RXFP2: variants seen among roughly 807,000 people sequenced by gnomAD.
RXFP2 encodes the protein relaxin receptor 2.
Under a neutral mutation model 88.6 loss-of-function variants are expected in RXFP2, and 68 were observed. The observed-to-expected ratio is 0.77, with a 90% CI of 0.63 to 0.94. The LOEUF is 0.94. RXFP2 is among the 40% of genes least tolerant of loss of function. The pLI, the probability that RXFP2 is intolerant of heterozygous loss-of-function variation, is 0.00. For missense variants in RXFP2, 791 were observed against 893.9 expected (o/e 0.88, Z 1.47); for synonymous variants, 329 against 306.8 (o/e 1.07, Z -0.76).
At chr13:31,761,841 A>AAAACATGATTTGTGAT in intron 3 of RXFP2, 40 bp downstream of exon 3, 1 of 1,358,804 alleles carries the variant, frequency 7.4e-7, no homozygotes, top group East Asian at 2.3e-5. Context: ...AGCTTTGTGA[A>AAAACATGATTTGTGAT]AAACATGATT....
chr13:31,759,947 G>C (rs1449450842), intron 2 of RXFP2, among the ~76,000 whole-genome samples: 2 of 152,246 alleles, frequency 1.3e-5, no homozygotes, highest in Admixed American at 6.5e-5. Context: ...CCTCCAGGAG[G>C]GCTTCCCTGG....
At chr13:31,752,843 G>A (rs542341409) in intron 1 of RXFP2, among the ~76,000 whole-genome samples, 1 of 152,308 alleles carries the variant, frequency 6.6e-6, no homozygotes, top group African/African-American at 2.4e-5. Context: ...GATGGACGCT[G>A]TCTGCTTTGC....
At chr13:31,750,879 T>C (rs1483586829) in intron 1 of RXFP2, among the ~76,000 whole-genome samples, 2 of 152,186 alleles carry the variant, frequency 1.3e-5, no homozygotes, top group Non-Finnish European at 2.9e-5. Context: ...TTCTGAGAAA[T>C]TTAATTGTGA....
At chr13:31,764,443 A>T (rs1872457936) in intron 3 of RXFP2, among the ~76,000 whole-genome samples, 1 of 152,172 alleles carries the variant, frequency 6.6e-6, no homozygotes, top group African/African-American at 2.4e-5. Context: ...ATCTTTGGTT[A>T]TTTCAGCTTT....
chr13:31,747,956 C>T (rs1871495912), intron 1 of RXFP2, among the ~76,000 whole-genome samples: 1 of 152,074 alleles, frequency 6.6e-6, no homozygotes. Context: ...TCTTAAAAGT[C>T]AGAGCTGCAA....
chr13:31,777,498 T>A, intron 8 of RXFP2, 51 bp downstream of exon 8: 5 of 1,291,644 alleles, frequency 3.9e-6, no homozygotes, highest in Non-Finnish European at 5.6e-6. Context: ...TGCAATGACA[T>A]CTAGCACTAG....
chr13:31,792,571 G>C, intron 15 of RXFP2, 107 bp from the exon 16 acceptor site: 1 of 1,071,638 alleles, frequency 9.3e-7, no homozygotes, highest in Non-Finnish European at 1.4e-6. Flanking sequence ...AAGATGAAAG[G>C]AACTAGATCT....
intron 1 of RXFP2, among the ~76,000 whole-genome samples, chr13:31,754,902 C>T (rs7991127): frequency 0.28 from 42,824 of 151,158 alleles, 6,134 homozygotes; most frequent in East Asian, 0.42. Context: ...AATGCTGAGG[C>T]ACAGCAAGCT....
intron 1 of RXFP2, among the ~76,000 whole-genome samples, chr13:31,756,001 G>T (rs969966093): frequency 2.6e-5 from 4 of 152,180 alleles, no homozygotes; most frequent in Non-Finnish European, 4.4e-5. Flanking sequence ...AGGGCCAGAG[G>T]CTCTGCTTTT....
rs1873347379 is a variant in RXFP2, at chr13:31,782,740, G to A, written c.922G>A (p.Gly308Arg). Residue 308 changes from glycine to arginine, a missense_variant, in exon 11 of 18, where the codon GGA becomes AGA. Transcript: ENST00000298386. ...EKTFSSLKNL[G>R]ELDLSSNTIT... ...GACATTTTCTTCATTAAAAAATTTA[G>A]GAGAACTGTAAGTAGCATCGTCTAC... The A allele has an allele frequency of 6.3e-7, 1 of 1,585,296 alleles. No homozygotes were observed. Among genetic ancestry groups the A allele is most frequent in the Non-Finnish European group, 8.7e-7 (1 of 1,154,042 alleles).
Position 31,788,676 on chromosome 13 carries a change from A to G in RXFP2, c.1074-446A>G, listed in dbSNP as rs562172956. Among the ~76,000 whole-genome samples, 19 of 152,310 alleles carry G rather than the reference A, an allele frequency of 1.2e-4. 1 individual carries two copies. In the South Asian group the frequency reaches 3.9e-3, roughly 32 times the overall value. The stretch of plus-strand genomic sequence containing the variant: ...CCTCTTGCTACCTTCATGGTTTTCC[A>G]TCCTAAAGACACATAGGCCAGGAAG... On this transcript the variant is annotated intron_variant, in intron 13 of 17. Transcript: ENST00000298386.
chr13:31,748,692 T>A (rs1048959364), intron 1 of RXFP2, among the ~76,000 whole-genome samples: 6 of 152,100 alleles, frequency 3.9e-5, no homozygotes, highest in Non-Finnish European at 8.8e-5. Context: ...TGACTTTTTT[T>A]AAAAGACAGG....
chr13:31,797,983 C>A (rs373813135), intron 17 of RXFP2, among the ~76,000 whole-genome samples: 2 of 152,178 alleles, frequency 1.3e-5, no homozygotes, highest in African/African-American at 4.8e-5. Flanking sequence ...CATCTGAAGC[C>A]CCTTCTGGAA....
Position 31,802,126 on chromosome 13 carries a change from C to T in RXFP2, c.2006-20C>T. The T allele has an allele frequency of 6.2e-6, 10 of 1,612,290 alleles. No homozygotes were observed. The highest frequency in any genetic ancestry group is 8.5e-6 in the Non-Finnish European group (10 of 1,179,226). On this transcript the variant is annotated intron_variant, in intron 17 of 17. Coordinates refer to ENST00000298386, the MANE Select transcript of RXFP2 (RefSeq NM_130806.5). ...ATTTAAAACTTCAACTTTTTTTTCACACTTTGCTTCCTTTTCCAGACACAA... is the reference window on the plus strand; with the variant it reads ...ATTTAAAACTTCAACTTTTTTTTCATACTTTGCTTCCTTTTCCAGACACAA...
chr13:31,782,794 T>C, intron 11 of RXFP2, 47 bp downstream of exon 11: 1 of 1,237,570 alleles, frequency 8.1e-7, no homozygotes, highest in Non-Finnish European at 1.2e-6. Context: ...TCTTCCGAGA[T>C]TATAAATTTA....
At chr13:31,792,075 C>A in intron 15 of RXFP2, 40 bp downstream of exon 15, 1 of 1,427,652 alleles carries the variant, frequency 7.0e-7, no homozygotes, top group Non-Finnish European at 9.9e-7. Context: ...AGGATATCTT[C>A]TGTGAGTTGT....
chr13:31,753,014 G>A (rs187985666), intron 1 of RXFP2, among the ~76,000 whole-genome samples: 1 of 152,236 alleles, frequency 6.6e-6, no homozygotes, highest in East Asian at 1.9e-4. Flanking sequence ...TGCCATCCTT[G>A]GTGACCAGGT....
chr13:31,771,349 G>A (rs536761590), intron 5 of RXFP2, among the ~76,000 whole-genome samples: 6 of 152,292 alleles, frequency 3.9e-5, no homozygotes, highest in East Asian at 3.9e-4. Flanking sequence ...TCCTCCTGTC[G>A]GATCAGCAGT....
rs532216293 is a variant in RXFP2, at chr13:31,791,717, C to T, written c.1146-89C>T. 4 of 874,498 alleles carry T rather than the reference C, an allele frequency of 4.6e-6. No homozygotes were observed. In the African/African-American group the frequency reaches 6.6e-5, roughly 14 times the overall value. The allele number at this position is 874,498 out of a possible 1,614,324, so 54.2% of individuals were successfully genotyped here. ...AAACAAACCTAGTGAAGTTGTATAC[C>T]TAGCATGGAGTTGCAGCCCCGATAG... On this transcript the variant is annotated intron_variant, in intron 14 of 17. Coordinates refer to ENST00000298386, the MANE Select transcript of RXFP2 (RefSeq NM_130806.5).
Sources: gnomAD v4.1 joint callset for allele counts (sites outside exome capture counted in the v4.1 genomes callset) on GRCh38, gnomAD v4.1.1 for gene constraint, MANE v1.5 for transcripts, NCBI Gene and HGNC (gene_info 2026-07-23, HGNC 2026-07-21) for gene names.